Variants in PMP22 observed in about 807,000 individuals in gnomAD.
PMP22 encodes the protein peripheral myelin protein 22, also known as Charcot-Marie-Tooth neuropathy 1A (greatly reduced nerve conduction velocity, hereditary motor sensory neuropathy Ia).
PMP22 carries 2 observed loss-of-function variants against 18.9 expected under a neutral mutation model. The observed-to-expected ratio is 0.11, with a 90% confidence interval of 0.04 to 0.33. The LOEUF (loss-of-function observed/expected upper bound fraction) is 0.33. Ranked by LOEUF, PMP22 falls within the 10% of genes least tolerant of loss-of-function variation. PMP22 has a pLI of 1.00. For missense variants in PMP22, 169 were observed against 202.2 expected, an observed-to-expected ratio of 0.84 and a Z score of 1.00; for synonymous variants, 95 against 89.2, an observed-to-expected ratio of 1.07 and a Z score of -0.37.
chr17:15,252,381 G>T (rs1567713653), intron 3 of PMP22, among the ~76,000 whole-genome samples: 1 of 150,960 alleles, frequency 6.6e-6, no homozygotes, highest in South Asian at 2.1e-4. Context: ...CCTATTGATA[G>T]TCATGAGTTT....
At chr17:15,259,268 C>T in intron 2 of PMP22, 75 bp from the exon 3 acceptor site, 1 of 1,244,370 alleles carries the variant, frequency 8.0e-7, no homozygotes, top group Non-Finnish European at 1.2e-6. Context: ...GAGAAAGGCC[C>T]AGGGATGGCG....
rs377467465 is a variant in PMP22, at chr17:15,231,084, G to A, written c.320-4C>T. The A allele has an allele frequency of 2.3e-4, 367 of 1,613,198 alleles. 1 individual carries two copies. The highest frequency in any genetic ancestry group is 2.5e-4 in the Non-Finnish European group (291 of 1,179,938). On this transcript the variant is annotated splice_region_variant and splice_polypyrimidine_tract_variant and intron_variant, in intron 4 of 4. Coordinates refer to ENST00000312280, the MANE Select transcript of PMP22 (RefSeq NM_000304.4). ...GCAGCACTCATCACGCACAGACCTGGGGAAGGAGAGGGACAAGCTGGGTGA... is the reference window on the plus strand; with the variant it reads ...GCAGCACTCATCACGCACAGACCTGAGGAAGGAGAGGGACAAGCTGGGTGA...
intron 3 of PMP22, among the ~76,000 whole-genome samples, chr17:15,250,759 T>C (rs1908268600): frequency 6.6e-6 from 1 of 152,194 alleles, no homozygotes; most frequent in South Asian, 2.1e-4. Flanking sequence ...CCTAGAGTTC[T>C]TGTGAGGATT....
At chr17:15,234,734 G>A (rs891272634) in intron 4 of PMP22, among the ~76,000 whole-genome samples, 1 of 152,052 alleles carries the variant, frequency 6.6e-6, no homozygotes, top group Non-Finnish European at 1.5e-5. Flanking sequence ...TTCTAAATGT[G>A]GTATTTGACT....
intron 3 of PMP22, among the ~76,000 whole-genome samples, chr17:15,242,142 T>C (rs1184512282): frequency 6.7e-6 from 1 of 149,946 alleles, no homozygotes; most frequent in Non-Finnish European, 1.5e-5. Flanking sequence ...TAGTCCCAGC[T>C]ACTTGGGAGG....
At chr17:15,264,229 G>T (rs951948655) in intron 1 of PMP22, among the ~76,000 whole-genome samples, 2 of 96,240 alleles carry the variant, frequency 2.1e-5, no homozygotes, top group East Asian at 6.8e-4. Flanking sequence ...TAGGTAGGTA[G>T]GTAGATAGAT....
intron 1 of PMP22, among the ~76,000 whole-genome samples, chr17:15,263,935 C>T (rs1909537482): frequency 6.6e-6 from 1 of 152,166 alleles, no homozygotes; most frequent in South Asian, 2.1e-4. Flanking sequence ...CAAACCTAAT[C>T]ACCCTGCTTA....
At chr17:15,233,556 C>T (rs545970551) in intron 4 of PMP22, among the ~76,000 whole-genome samples, 69 of 152,346 alleles carry the variant, frequency 4.5e-4, no homozygotes, top group Middle Eastern at 3.4e-3. Context: ...ACCCAAGGGG[C>T]CAAGGTCAAA....
chr17:15,241,002 G>T (rs1907271763), intron 3 of PMP22, among the ~76,000 whole-genome samples: 1 of 152,176 alleles, frequency 6.6e-6, no homozygotes, highest in African/African-American at 2.4e-5. Flanking sequence ...GGCACAGACT[G>T]GAGATATTTT....
At position 15,259,097 on chromosome 17, in the gene PMP22, T is replaced by G; in HGVS notation, c.175A>C (p.Asn59His). 6.2e-7 allele frequency: 1 copy of G among 1,607,634 alleles called. No homozygotes were observed. Among genetic ancestry groups the G allele is most frequent in the Non-Finnish European group, 8.5e-7 (1 of 1,174,096 alleles). Residue 59 changes from asparagine (N) to histidine (H), a missense_variant, in exon 3 of 5, where the codon AAC becomes CAC. Asn to His is a moderately conservative substitution (Grantham distance 68, BLOSUM62 1). Coordinates refer to ENST00000312280, the MANE Select transcript of PMP22 (RefSeq NM_000304.4). Reference protein sequence around the residue: ...NVHHCFSSSPNEWLQSVQATM... With the variant: ...NVHHCFSSSPHEWLQSVQATM... ...TGGAGCACAAAACCAGCCTCACCGT[T>G]TGGTGATGATGAGAAACAGTGGTGG...
intron 1 of PMP22, chr17:15,262,438 G>C (rs537267675): frequency 1.3e-5 from 2 of 152,364 alleles, no homozygotes; most frequent in Admixed American, 1.3e-4. Flanking sequence ...CAGCCCAAAG[G>C]AACAGCTGTC....
rs1909000860 is a variant in PMP22, at chr17:15,258,182, A to C, written c.178+912T>G. Among the ~76,000 whole-genome samples the C allele has an allele frequency of 6.6e-6, 1 of 152,204 alleles. No homozygotes were observed. The highest frequency in any genetic ancestry group is 2.1e-4 in the South Asian group (1 of 4,832). On this transcript the variant is annotated intron_variant, in intron 3 of 4. Transcript: ENST00000312280. This position sits in a 1 kb window ranked among gnomAD's most constrained non-coding sequence, Gnocchi z 4.1. Reference sequence around the variant, plus strand: ...CCTTTTAAACCCAGGATGTTAGGAAAGCTCTGCTGTATCTCTAGGTCCTTC... The same window carrying C: ...CCTTTTAAACCCAGGATGTTAGGAACGCTCTGCTGTATCTCTAGGTCCTTC...
intron 4 of PMP22, among the ~76,000 whole-genome samples, chr17:15,236,256 C>T (rs1472655034): frequency 6.6e-6 from 1 of 152,088 alleles, no homozygotes; most frequent in Non-Finnish European, 1.5e-5. Context: ...ACCATGGAGA[C>T]CCCACACAAC....
chr17:15,245,935 C>G (rs1300187608), intron 3 of PMP22, among the ~76,000 whole-genome samples: 2 of 151,912 alleles, frequency 1.3e-5, no homozygotes, highest in Non-Finnish European at 2.9e-5. Flanking sequence ...ATGGCGTGAA[C>G]CCTGGAGGCG....
intron 4 of PMP22, among the ~76,000 whole-genome samples, chr17:15,233,240 G>GT (rs2150667677): frequency 6.6e-6 from 1 of 152,278 alleles, no homozygotes; most frequent in African/African-American, 2.4e-5. Context: ...TGTGGCAAGG[G>GT]TAAGTGAGGC....
chr17:15,259,938 C>CAAAAAAAAAAAAAAAAAAAAA, intron 2 of PMP22, among the ~76,000 whole-genome samples: 1 of 97,868 alleles, frequency 1.0e-5, no homozygotes, highest in Non-Finnish European at 2.2e-5. Flanking sequence ...GACTCCATCT[C>CAAAAAAAAAAAAAAAAAAAAA]AAAAAAAAAA....
At chr17:15,255,481 G>C (rs9893338) in intron 3 of PMP22, among the ~76,000 whole-genome samples, 6,716 of 152,168 alleles carry the variant, frequency 0.044, 469 homozygotes, top group African/African-American at 0.15. Context: ...AAACCCAAGA[G>C]ATGGCAAAGA....
chr17:15,235,083 G>T, intron 4 of PMP22: 2 of 624,850 alleles, frequency 3.2e-6, no homozygotes, highest in Non-Finnish European at 5.8e-6. Context: ...GTCTTTCAAA[G>T]TGTTGGGATT....
At chr17:15,262,145 C>T (rs1057015301) in intron 1 of PMP22, among the ~76,000 whole-genome samples, 2 of 152,220 alleles carry the variant, frequency 1.3e-5, no homozygotes, top group African/African-American at 4.8e-5. Context: ...AGAGTCAACG[C>T]CTCTTCAGCA....
Sources: allele counts gnomAD v4.1 joint callset (sites outside exome capture counted in the v4.1 genomes callset), GRCh38; gene constraint gnomAD v4.1.1; non-coding constraint Gnocchi (gnomAD v3.1); transcripts MANE v1.5; gene names NCBI Gene and HGNC (gene_info 2026-07-23, HGNC 2026-07-21).